The following P2RX4 variants were observed in gnomAD, a reference collection of about 807,000 sequenced individuals.
The protein encoded by P2RX4 is purinergic receptor P2X 4.
A neutral mutation model predicts 48.0 loss-of-function variants in P2RX4; 37 were observed. The ratio of observed to expected loss-of-function variants is 0.77; its 90% CI spans 0.59 to 1.01. The LOEUF (loss-of-function observed/expected upper bound fraction) is 1.01, where lower values mean the gene tolerates loss of function less well. Ranked by LOEUF, P2RX4 falls within the 50% of genes least tolerant of loss-of-function variation. P2RX4 has a pLI of 0.00. For missense variants in P2RX4, 501 were observed against 521.4 expected (o/e 0.96, Z 0.38); for synonymous variants, 200 against 199.7 (o/e 1.00, Z -0.01).
intron 1 of P2RX4, chr12:121,216,377 T>C (rs1208332294): frequency 1.3e-5 from 2 of 152,606 alleles, no homozygotes; most frequent in African/African-American, 4.8e-5. Context: ...GAAATAATAA[T>C]AATGATACCT....
chr12:121,220,615 G>A (rs567047661), intron 2 of P2RX4, among the ~76,000 whole-genome samples: 5 of 152,204 alleles, frequency 3.3e-5, no homozygotes, highest in African/African-American at 7.2e-5. Flanking sequence ...CAGCCTGGGC[G>A]ACAGAGCAAG....
chr12:121,221,637 C>G (rs1019979983), intron 2 of P2RX4, among the ~76,000 whole-genome samples: 31 of 152,108 alleles, frequency 2.0e-4, no homozygotes, highest in African/African-American at 7.5e-4. Flanking sequence ...TCGTGATCCG[C>G]CCGCCTCAGC....
At position 121,223,018 on chromosome 12, in the gene P2RX4, G is replaced by A. The variant is rs2136231263; in HGVS notation, c.499G>A (p.Val167Met). The change falls in exon 5 of 12, where the codon GTG becomes ATG. Residue 167 changes from valine to methionine, a missense_variant. Coordinates refer to ENST00000337233, the MANE Select transcript of P2RX4 (RefSeq NM_002560.3). ...GTGTGAGGTGGCGGCCTGGTGCCCGGTGGAGGATGACACACACGTGCCACA... is the reference window on the plus strand; with the variant it reads ...GTGTGAGGTGGCGGCCTGGTGCCCGATGGAGGATGACACACACGTGCCACA... Reference protein sequence around the residue: ...KTCEVAAWCPVEDDTHVPQPA... With the variant: ...KTCEVAAWCPMEDDTHVPQPA... 2 of 1,612,106 alleles carry A rather than the reference G, an allele frequency of 1.2e-6. No individual in the cohort carries two copies. Among genetic ancestry groups the A allele is most frequent in the Middle Eastern group, 1.7e-4 (1 of 6,058 alleles).
At chr12:121,228,386 ATATATATAT>A (rs1221711588) in intron 5 of P2RX4, 138 bp from the exon 6 acceptor site, 23 of 112,330 alleles carry the variant, frequency 2.0e-4, no homozygotes, top group Admixed American at 1.1e-4. Flanking sequence ...AAAAAAAAAA[ATATATATAT>A]ATATATATAT....
At chr12:121,212,386 TGG>T in intron 1 of P2RX4, among the ~76,000 whole-genome samples, 1 of 64,496 alleles carries the variant, frequency 1.6e-5, no homozygotes, top group Non-Finnish European at 3.2e-5. Flanking sequence ...AAGACCAGCC[TGG>T]ACACAAGACC....
rs111350288 is a variant in P2RX4, at chr12:121,220,179, G to C, written c.283-1734G>C. 3.1e-3 allele frequency among the ~76,000 whole-genome samples: 468 copies of C among 152,276 alleles called. 3 individuals carry two copies. Among genetic ancestry groups the C allele is most frequent in the African/African-American group, 0.011 (440 of 41,558 alleles). Reference sequence around the variant, plus strand: ...AAAACCAGCCAGATTTGAGCCCCATGAGGCCTCATGTTTTTATTCCTCTGA... The same window carrying C: ...AAAACCAGCCAGATTTGAGCCCCATCAGGCCTCATGTTTTTATTCCTCTGA... On this transcript the variant is annotated intron_variant, in intron 2 of 11. Coordinates refer to ENST00000337233, the MANE Select transcript of P2RX4 (RefSeq NM_002560.3).
Position 121,210,142 on chromosome 12 carries a change from G to A in P2RX4, c.-23G>A. 1 of 1,516,246 alleles carries A rather than the reference G, an allele frequency of 6.6e-7. No individual in the cohort carries two copies. The highest frequency in any genetic ancestry group is 8.8e-7 in the Non-Finnish European group (1 of 1,138,794). 93.9% of individuals were successfully genotyped at this position (1,516,246 alleles called of 1,614,324 possible). A position where few individuals can be genotyped will look rare whatever the true frequency, so the allele number is the denominator to read the frequency against. On this transcript the variant is annotated 5_prime_UTR_variant, in exon 1 of 12. Coordinates refer to ENST00000337233, the MANE Select transcript of P2RX4 (RefSeq NM_002560.3). Reference sequence around the variant, plus strand: ...GGACTGGGACCCAGACCGACTAGGGGACTGGGAGCGGGCGGCGCGGCCATG... The same window carrying A: ...GGACTGGGACCCAGACCGACTAGGGAACTGGGAGCGGGCGGCGCGGCCATG...
chr12:121,232,379 G>C lies in P2RX4; in HGVS notation c.885-35G>C. ...TCACAGGGCCCAAGGTCCTGCCCCA[G>C]CCATCTCCCCCTGATCCATCCTCCT... is the stretch of plus-strand genomic sequence containing the variant. On this transcript the variant is annotated intron_variant, in intron 8 of 11. Transcript: ENST00000337233. This position sits in a 1 kb window ranked among gnomAD's most constrained non-coding sequence, Gnocchi z 4.3. 1.4e-6 allele frequency: 2 copies of C among 1,449,994 alleles called. No homozygotes were observed. Among genetic ancestry groups the C allele is most frequent in the Non-Finnish European group, 1.9e-6 (2 of 1,033,992 alleles). The allele number at this position is 1,449,994 out of a possible 1,614,324, so 89.8% of individuals were successfully genotyped here.
rs1239307647 is a variant in P2RX4, at chr12:121,233,617, GCCA to G, written c.*73_*75del. The G allele has an allele frequency of 2.4e-5, 37 of 1,573,186 alleles. No individual in the cohort carries two copies. The highest frequency in any genetic ancestry group is 5.8e-5 in the South Asian group (5 of 86,390). On this transcript the variant is annotated 3_prime_UTR_variant, in exon 12 of 12. Transcript: ENST00000337233. ...CAGAGAGGAGGAGGAGGGAGAAATG[GCCA>G]CCACATCACCCCAGAGAAATTTCTG... is the stretch of plus-strand genomic sequence containing the variant.
chr12:121,221,398 ATT>A (rs112486751), intron 2 of P2RX4, among the ~76,000 whole-genome samples: 35 of 123,370 alleles, frequency 2.8e-4, no homozygotes, highest in East Asian at 7.1e-4. Context: ...TGTTTCCACC[ATT>A]TTTTTTTTTT....
chr12:121,228,383 A>AT (rs1402129445), intron 5 of P2RX4, 150 bp from the exon 6 acceptor site: 3,844 of 175,364 alleles, frequency 0.022, 33 homozygotes, highest in Admixed American at 0.053. Flanking sequence ...AAAAAAAAAA[A>AT]AAATATATAT....
At chr12:121,230,387 G>T (rs1293327329) in intron 8 of P2RX4, among the ~76,000 whole-genome samples, 2 of 152,086 alleles carry the variant, frequency 1.3e-5, no homozygotes, top group African/African-American at 4.8e-5. Flanking sequence ...CGTCTCAGGG[G>T]GAAAAAAAAG....
At chr12:121,233,281 ACT>A in intron 11 of P2RX4, 189 bp downstream of exon 11, 5 of 637,490 alleles carry the variant, frequency 7.8e-6, no homozygotes, top group South Asian at 3.6e-5. Context: ...TACTAGATTG[ACT>A]CTTTAAACCC....
chr12:121,223,060 G>A lies in P2RX4; in HGVS notation c.524+17G>A. The A allele has an allele frequency of 6.6e-7, 1 of 1,506,158 alleles. No individual in the cohort carries two copies. The highest frequency in any genetic ancestry group is 9.2e-7 in the Non-Finnish European group (1 of 1,082,346). The allele number at this position is 1,506,158 out of a possible 1,614,324, so 93.3% of individuals were successfully genotyped here. A position where few individuals can be genotyped will look rare whatever the true frequency, so the allele number is the denominator to read the frequency against. On this transcript the variant is annotated intron_variant, in intron 5 of 11. Coordinates refer to ENST00000337233, the MANE Select transcript of P2RX4 (RefSeq NM_002560.3). ...CGTGCCACAGTGAGTCCAGCCCTAGGGAAGGAAGTGCCTTTTTGTTTTGTT... is the reference window on the plus strand; with the variant it reads ...CGTGCCACAGTGAGTCCAGCCCTAGAGAAGGAAGTGCCTTTTTGTTTTGTT...
intron 1 of P2RX4, chr12:121,216,930 T>C (rs1886263732): frequency 1.4e-6 from 1 of 707,504 alleles, no homozygotes; most frequent in Non-Finnish European, 2.6e-6. Context: ...CTCATTTATT[T>C]CCCGCAAACC....
In P2RX4 at chr12:121,232,093, C is replaced by T. The variant is rs1427398344; in HGVS notation, c.885-321C>T. On this transcript the variant is annotated intron_variant, in intron 8 of 11. Coordinates refer to ENST00000337233, the MANE Select transcript of P2RX4 (RefSeq NM_002560.3). The surrounding 1 kb of genome is among the most constrained non-coding windows in gnomAD (Gnocchi z 4.3). Reference sequence around the variant, plus strand: ...GCAATGCTGGCTGGTCACATTCTTACTGTTAGATGTTGGAGGTCAGGGTCC... The same window carrying T: ...GCAATGCTGGCTGGTCACATTCTTATTGTTAGATGTTGGAGGTCAGGGTCC... Among the ~76,000 whole-genome samples, 2 of 151,568 alleles carry T rather than the reference C, an allele frequency of 1.3e-5. No individual in the cohort carries two copies. Among genetic ancestry groups the T allele is most frequent in the Admixed American group, 1.3e-4 (2 of 15,200 alleles).
At chr12:121,223,156 C>A in intron 5 of P2RX4, 113 bp downstream of exon 5, 1 of 692,718 alleles carries the variant, frequency 1.4e-6, no homozygotes. Context: ...TCACCACAAC[C>A]TCCACCTCCC....
In P2RX4 at chr12:121,233,017, C is replaced by T; in HGVS notation, c.1065C>T (p.Ile355=). 1 of 1,613,498 alleles carries T rather than the reference C, an allele frequency of 6.2e-7. No homozygotes were observed. ...CTCAGGCGACCGTGCTGTGTGACAT[C>T]ATAGTCCTCTACTGCATGAAGAAAA... is the stretch of plus-strand genomic sequence containing the variant. The part of the protein sequence containing the change: ...LLGMATVLCD[I]IVLYCMKKRL... Residue 355 remains isoleucine, a synonymous_variant, in exon 11 of 12, where the codon ATC becomes ATT. Transcript: ENST00000337233.
chr12:121,233,543 C>T lies in P2RX4; in HGVS notation c.1161C>T (p.Asp387=). Residue 387 remains aspartate, a synonymous_variant, in exon 12 of 12, where the codon GAC becomes GAT. Coordinates refer to ENST00000337233, the MANE Select transcript of P2RX4 (RefSeq NM_002560.3). ...DYEQGLASEL[D]Q Reference sequence around the variant, plus strand: ...TGCAGGGTCTTGCTAGTGAGCTGGACCAGTGAGGCCTACCCCACACCTGGG... The same window carrying T: ...TGCAGGGTCTTGCTAGTGAGCTGGATCAGTGAGGCCTACCCCACACCTGGG... The T allele has an allele frequency of 6.2e-7, 1 of 1,608,916 alleles. No homozygotes were observed. The highest frequency in any genetic ancestry group is 8.5e-7 in the Non-Finnish European group (1 of 1,177,450).
Sources: allele counts gnomAD v4.1 joint callset (sites outside exome capture counted in the v4.1 genomes callset), GRCh38; gene constraint gnomAD v4.1.1; non-coding constraint Gnocchi (gnomAD v3.1); transcripts MANE v1.5; gene names NCBI Gene and HGNC (gene_info 2026-07-23, HGNC 2026-07-21).